Variants in LYRM1 observed in about 807,000 individuals in gnomAD.
LYRM1 encodes LYR motif containing 1, also known as LYR motif-containing protein 1.
LYRM1 carries 14 observed loss-of-function variants against 14.9 expected under a neutral mutation model. The ratio of observed to expected loss-of-function variants is 0.94; its 90% CI spans 0.62 to 1.47. The LOEUF is 1.47. Among genes scored for constraint, LYRM1 ranks in the 40% most tolerant of loss-of-function variants. LYRM1 has a pLI of 0.00. For synonymous variants in LYRM1, 43 were observed against 56.2 expected, an observed-to-expected ratio of 0.77 and a Z score of 1.05; for missense variants, 153 against 149.9, an observed-to-expected ratio of 1.02 and a Z score of -0.11.
Position 20,919,308 on chromosome 16 carries a change from GTTACT to G in LYRM1, c.160-810_160-806del, listed in dbSNP as rs562206152. ...GGACAGCACTTGCAGAAACCATGGGGTTACTTTAAAGTTTAATCAACATGAGGGGG... is the reference window on the plus strand; with the variant it reads ...GGACAGCACTTGCAGAAACCATGGGGTTAAAGTTTAATCAACATGAGGGGG... On this transcript the variant is annotated intron_variant, in intron 2 of 3. Coordinates refer to ENST00000567954, the MANE Select transcript of LYRM1 (RefSeq NM_001128302.3). Among the ~76,000 whole-genome samples the G allele has an allele frequency of 1.1e-4, 17 of 152,208 alleles. No individual in the cohort carries two copies. The South Asian group carries it at 1.2e-3, about 11-fold the overall frequency.
At chr16:20,903,285 C>A (rs1489222871) in intron 1 of LYRM1, among the ~76,000 whole-genome samples, 1 of 152,216 alleles carries the variant, frequency 6.6e-6, no homozygotes, top group African/African-American at 2.4e-5. Flanking sequence ...GAGGTTCCTA[C>A]ACAGCAACTG....
intron 2 of LYRM1, among the ~76,000 whole-genome samples, chr16:20,919,905 T>C (rs2083096757): frequency 6.6e-6 from 1 of 152,254 alleles, no homozygotes; most frequent in Non-Finnish European, 1.5e-5. Flanking sequence ...GTAGTTCTTA[T>C]GTTACATCCT....
chr16:20,920,141 T>G lies in LYRM1; in HGVS notation c.179T>G (p.Ile60Ser). The change falls in exon 3 of 4, where the codon ATT (isoleucine) becomes AGT (serine). Residue 60 changes from isoleucine (I) to serine (S), a missense_variant. Ile to Ser is a moderately radical substitution (Grantham distance 142, BLOSUM62 -2). Transcript: ENST00000567954. ...TAATAGCTCACGGACACAGACCTAA[T>G]TAAACAGTGTATAGATGAATGCACA... ...KNKNLTDTDL[I>S]KQCIDECTAR... 6.2e-7 allele frequency: 1 copy of G among 1,613,542 alleles called. No individual in the cohort carries two copies. The highest frequency in any genetic ancestry group is 1.3e-5 in the African/African-American group (1 of 75,026).
chr16:20,901,823 G>C lies in LYRM1; in HGVS notation c.-1+934G>C, dbSNP rs945092460. ...TTGCACTGTAAGACAAAGGAGAGGTGAAGATAGTGTTGAAAGGGCCGGCCG... is the reference window on the plus strand; with the variant it reads ...TTGCACTGTAAGACAAAGGAGAGGTCAAGATAGTGTTGAAAGGGCCGGCCG... On this transcript the variant is annotated intron_variant, in intron 1 of 3. Coordinates refer to ENST00000567954, the MANE Select transcript of LYRM1 (RefSeq NM_001128302.3). The surrounding 1 kb of genome is among the most constrained non-coding windows in gnomAD (Gnocchi z 4.6). Among the ~76,000 whole-genome samples, 7 of 152,216 alleles carry C rather than the reference G, an allele frequency of 4.6e-5. No individual in the cohort carries two copies. Among genetic ancestry groups the C allele is most frequent in the Non-Finnish European group, 8.8e-5 (6 of 68,034 alleles).
At position 20,903,777 on chromosome 16, in the gene LYRM1, CAG is replaced by C. The variant is rs563337710; in HGVS notation, c.-1+2893_-1+2894del. Among the ~76,000 whole-genome samples, 369 of 151,440 alleles carry C rather than the reference CAG, an allele frequency of 2.4e-3. 1 individual carries two copies. The highest frequency in any genetic ancestry group is 2.9e-3 in the Non-Finnish European group (198 of 67,912). On this transcript the variant is annotated intron_variant, in intron 1 of 3. Coordinates refer to ENST00000567954, the MANE Select transcript of LYRM1 (RefSeq NM_001128302.3). Reference sequence around the variant, plus strand: ...CCCTGCACAGAATGTGGTTATTTATCAGAGAGTTGGATCAAGGGTCAGGTGCT... The same window carrying C: ...CCCTGCACAGAATGTGGTTATTTATCAGAGTTGGATCAAGGGTCAGGTGCT...
chr16:20,909,232 C>T (rs1483540105), intron 1 of LYRM1, among the ~76,000 whole-genome samples: 1 of 152,182 alleles, frequency 6.6e-6, no homozygotes, highest in African/African-American at 2.4e-5. Flanking sequence ...CACCTCCACA[C>T]ATGTATATCC....
At chr16:20,918,578 GAGTACTGT>G (rs1194532281) in intron 2 of LYRM1, among the ~76,000 whole-genome samples, 1 of 152,076 alleles carries the variant, frequency 6.6e-6, no homozygotes, top group African/African-American at 2.4e-5. Flanking sequence ...ACTGAATTTG[GAGTACTGT>G]AGCCCAAGCT....
intron 1 of LYRM1, among the ~76,000 whole-genome samples, chr16:20,913,241 T>C (rs1358280989): frequency 6.6e-6 from 1 of 151,724 alleles, no homozygotes; most frequent in Non-Finnish European, 1.5e-5. Flanking sequence ...TGGGGGTTTC[T>C]ACTGGATACA....
chr16:20,900,722 G>C (rs1275852836), upstream of LYRM1: 1 of 152,466 alleles, frequency 6.6e-6, no homozygotes, highest in East Asian at 1.9e-4. Flanking sequence ...CCCAGACCTG[G>C]AACTGGTGCT....
In LYRM1 at chr16:20,901,730, A is replaced by G. The variant is rs1263975065; in HGVS notation, c.-1+841A>G. Among the ~76,000 whole-genome samples, 1 of 152,200 alleles carries G rather than the reference A, an allele frequency of 6.6e-6. No homozygotes were observed. The highest frequency in any genetic ancestry group is 1.9e-4 in the East Asian group (1 of 5,192). On this transcript the variant is annotated intron_variant, in intron 1 of 3. Transcript: ENST00000567954. This position sits in a 1 kb window ranked among gnomAD's most constrained non-coding sequence, Gnocchi z 4.6. ...AGGGAAGTGACCTGACCTGATTTAC[A>G]TTTTTAAAAATCCGCTCTGCCTGCT...
At chr16:20,909,325 GTCTT>G (rs988716894) in intron 1 of LYRM1, among the ~76,000 whole-genome samples, 3 of 152,148 alleles carry the variant, frequency 2.0e-5, no homozygotes, top group African/African-American at 7.2e-5. Flanking sequence ...CATATCTTCT[GTCTT>G]TCTTCATTCT....
At position 20,908,016 on chromosome 16, in the gene LYRM1, G is replaced by GTGGA. The variant is rs938455117; in HGVS notation, c.-1+7141_-1+7144dup. ...TGGACCTTCAATAAATGTTGAGTGA[G>GTGGA]TGGATGGATGGATGGATCCTTGGAA... On this transcript the variant is annotated intron_variant, in intron 1 of 3. Coordinates refer to ENST00000567954, the MANE Select transcript of LYRM1 (RefSeq NM_001128302.3). 2.6e-5 allele frequency among the ~76,000 whole-genome samples: 4 copies of GTGGA among 152,302 alleles called. No homozygotes were observed. In the East Asian group the frequency reaches 7.7e-4, roughly 29 times the overall value.
Position 20,917,296 on chromosome 16 carries a change from T to C in LYRM1, c.159+1582T>C, listed in dbSNP as rs2082954162. Among the ~76,000 whole-genome samples, 3 of 152,292 alleles carry C rather than the reference T, an allele frequency of 2.0e-5. No homozygotes were observed. In the South Asian group the frequency reaches 6.2e-4, roughly 32 times the overall value. On this transcript the variant is annotated intron_variant, in intron 2 of 3. Transcript: ENST00000567954. ...TAAACAATCCTCTAAGGAATGGAAATAAAATACAACTGCTATTTCTATTTA... is the reference window on the plus strand; with the variant it reads ...TAAACAATCCTCTAAGGAATGGAAACAAAATACAACTGCTATTTCTATTTA...
At chr16:20,908,172 T>C (rs1677555242) in intron 1 of LYRM1, among the ~76,000 whole-genome samples, 1 of 152,164 alleles carries the variant, frequency 6.6e-6, no homozygotes, top group African/African-American at 2.4e-5. Context: ...GGTGCAGCCA[T>C]GTGCCCAGCC....
chr16:20,913,069 A>AAATAATAAT (rs34662196), intron 1 of LYRM1, among the ~76,000 whole-genome samples: 2 of 145,056 alleles, frequency 1.4e-5, no homozygotes, highest in South Asian at 2.1e-4. Context: ...TCTGTCTCAA[A>AAATAATAAT]AATAATAATA....
intron 1 of LYRM1, among the ~76,000 whole-genome samples, chr16:20,908,157 A>G (rs1292297809): frequency 6.6e-6 from 1 of 152,188 alleles, no homozygotes; most frequent in Non-Finnish European, 1.5e-5. Context: ...ATGGAAGAGC[A>G]AAGCGGTGCA....
At chr16:20,922,476 G>T (rs1300386376) in intron 3 of LYRM1, among the ~76,000 whole-genome samples, 1 of 152,006 alleles carries the variant, frequency 6.6e-6, no homozygotes, top group Non-Finnish European at 1.5e-5. Flanking sequence ...ATCTAGATAC[G>T]CCTGAAAGGA....
At chr16:20,915,762 T>G in intron 2 of LYRM1, 48 bp downstream of exon 2, 1 of 1,584,190 alleles carries the variant, frequency 6.3e-7, no homozygotes, top group African/African-American at 1.4e-5. Context: ...TTGTTCCTTA[T>G]GATATTTGTT....
At chr16:20,910,278 A>G (rs1162520357) in intron 1 of LYRM1, among the ~76,000 whole-genome samples, 2 of 152,226 alleles carry the variant, frequency 1.3e-5, no homozygotes, top group Non-Finnish European at 2.9e-5. Context: ...TTGGAAGGAA[A>G]TGGTAGGCTA....
Sources: allele counts gnomAD v4.1 joint callset (sites outside exome capture counted in the v4.1 genomes callset), GRCh38; gene constraint gnomAD v4.1.1; non-coding constraint Gnocchi (gnomAD v3.1); transcripts MANE v1.5; gene names NCBI Gene and HGNC (gene_info 2026-07-23, HGNC 2026-07-21).